Variants in DLGAP1 observed in about 807,000 individuals in gnomAD.
The protein encoded by DLGAP1 is DLG associated protein 1.
A neutral mutation model predicts 90.8 loss-of-function variants in DLGAP1; 11 were observed. The observed-to-expected ratio is 0.12, with a 90% CI of 0.08 to 0.20. The LOEUF (loss-of-function observed/expected upper bound fraction) is 0.20. Ranked by LOEUF, DLGAP1 falls within the 10% of genes least tolerant of loss-of-function variation. The probability of loss-of-function intolerance (pLI) is 1.00; values close to 1 mark genes in which losing one functional copy is unlikely to be tolerated. For missense variants in DLGAP1, 1,050 were observed against 1,333.8 expected, an observed-to-expected ratio of 0.79 and a Z score of 3.31; for synonymous variants, 558 against 540.7, an observed-to-expected ratio of 1.03 and a Z score of -0.44.
At chr18:4,437,170 T>C (rs1004100289) in intron 1 of DLGAP1, among the ~76,000 whole-genome samples, 1 of 152,216 alleles carries the variant, frequency 6.6e-6, no homozygotes, top group Non-Finnish European at 1.5e-5. Flanking sequence ...ATGAAGAATA[T>C]TGGCTGACTG....
At chr18:4,124,605 C>G (rs1321915491) in intron 2 of DLGAP1, among the ~76,000 whole-genome samples, 1 of 152,164 alleles carries the variant, frequency 6.6e-6, no homozygotes, top group East Asian at 1.9e-4. Flanking sequence ...AAATCCTTCA[C>G]CATAAAATAT....
chr18:3,543,329 C>T (rs540320368), intron 9 of DLGAP1, among the ~76,000 whole-genome samples: 2 of 152,224 alleles, frequency 1.3e-5, no homozygotes, highest in South Asian at 2.1e-4. Context: ...CACCACCACG[C>T]CTGGCTATTT....
At chr18:4,064,504 A>AG (rs1389318185) in intron 2 of DLGAP1, among the ~76,000 whole-genome samples, 1 of 152,100 alleles carries the variant, frequency 6.6e-6, no homozygotes, top group Non-Finnish European at 1.5e-5. Flanking sequence ...AGAAATGATA[A>AG]GGGGGACATC....
intron 7 of DLGAP1, among the ~76,000 whole-genome samples, chr18:3,714,570 C>CCTGTTG (rs2061696785): frequency 1.3e-5 from 2 of 151,764 alleles, no homozygotes; most frequent in Admixed American, 1.3e-4. Flanking sequence ...TTGAAAGCCT[C>CCTGTTG]CTGTTGCACA....
intron 7 of DLGAP1, among the ~76,000 whole-genome samples, chr18:3,612,847 C>CT (rs1020503407): frequency 2.6e-4 from 39 of 148,822 alleles, no homozygotes; most frequent in Admixed American, 5.4e-4. Context: ...AGTCCATTTC[C>CT]TTTTTTTTTT....
intron 7 of DLGAP1, among the ~76,000 whole-genome samples, chr18:3,635,346 C>T (rs1318383657): frequency 6.6e-6 from 1 of 151,800 alleles, no homozygotes; most frequent in Non-Finnish European, 1.5e-5. Context: ...CCTTGTTAGC[C>T]AGGATGGTCT....
chr18:3,567,458 A>C, intron 9 of DLGAP1, 32 bp downstream of exon 9: 2 of 1,566,730 alleles, frequency 1.3e-6, no homozygotes, highest in Non-Finnish European at 1.8e-6. Flanking sequence ...CAAAACATCA[A>C]GACAAAAGAG....
intron 9 of DLGAP1, among the ~76,000 whole-genome samples, chr18:3,542,958 G>A (rs2052774913): frequency 6.6e-6 from 1 of 152,140 alleles, no homozygotes; most frequent in African/African-American, 2.4e-5. Context: ...CCAGGACATA[G>A]GTCCTAAACT....
At chr18:4,195,275 CTTT>C (rs770010017) in intron 1 of DLGAP1, among the ~76,000 whole-genome samples, 2 of 149,386 alleles carry the variant, frequency 1.3e-5, no homozygotes. Flanking sequence ...AGACTTTGAA[CTTT>C]TTTTTTTAAC....
At chr18:3,753,962 T>C (rs1250999079) in intron 5 of DLGAP1, among the ~76,000 whole-genome samples, 1 of 152,188 alleles carries the variant, frequency 6.6e-6, no homozygotes, top group Non-Finnish European at 1.5e-5. Flanking sequence ...GTAAATGGCA[T>C]AGTATTTGCA....
At chr18:3,634,731 C>T (rs1005237090) in intron 7 of DLGAP1, among the ~76,000 whole-genome samples, 5 of 152,160 alleles carry the variant, frequency 3.3e-5, no homozygotes, top group Admixed American at 1.3e-4. Context: ...GGAAAGATAC[C>T]ATGTTCTTAC....
intron 6 of DLGAP1, among the ~76,000 whole-genome samples, chr18:3,733,640 G>A (rs1257108579): frequency 6.6e-6 from 1 of 152,160 alleles, no homozygotes; most frequent in Non-Finnish European, 1.5e-5. Flanking sequence ...GTAAGTAGAG[G>A]AGCATCTGTA....
chr18:3,629,998 A>C (rs1400444916), intron 7 of DLGAP1, among the ~76,000 whole-genome samples: 1 of 152,132 alleles, frequency 6.6e-6, no homozygotes, highest in Admixed American at 6.5e-5. Flanking sequence ...ATTCAACTAG[A>C]ATTGCTTAGG....
At chr18:4,089,165 A>G (rs932650885) in intron 2 of DLGAP1, among the ~76,000 whole-genome samples, 3 of 84,046 alleles carry the variant, frequency 3.6e-5, no homozygotes, top group African/African-American at 8.5e-5. Flanking sequence ...ACAATAGACA[A>G]ACAGAGAGCC....
At chr18:3,667,042 T>G (rs927504428) in intron 7 of DLGAP1, among the ~76,000 whole-genome samples, 3 of 152,122 alleles carry the variant, frequency 2.0e-5, no homozygotes, top group African/African-American at 7.2e-5. Context: ...GCTCTGGGAT[T>G]ACAGGCCTGA....
intron 3 of DLGAP1, among the ~76,000 whole-genome samples, chr18:3,881,890 G>A (rs2071181125): frequency 6.6e-6 from 1 of 152,124 alleles, no homozygotes; most frequent in Non-Finnish European, 1.5e-5. Flanking sequence ...TCCAGCCTGG[G>A]CAACAGAGCA....
chr18:4,235,164 G>A (rs1456619858), intron 1 of DLGAP1, among the ~76,000 whole-genome samples: 1 of 152,048 alleles, frequency 6.6e-6, no homozygotes, highest in African/African-American at 2.4e-5. Flanking sequence ...TCTGTCCCTT[G>A]GTGAAGCACT....
At chr18:3,630,621 CT>C (rs745774677) in intron 7 of DLGAP1, among the ~76,000 whole-genome samples, 20 of 152,300 alleles carry the variant, frequency 1.3e-4, no homozygotes, top group Non-Finnish European at 2.8e-4. Context: ...ACAGCACCAT[CT>C]ACTGAATATT....
intron 7 of DLGAP1, among the ~76,000 whole-genome samples, chr18:3,587,753 T>G (rs944276042): frequency 2.6e-5 from 4 of 152,124 alleles, no homozygotes; most frequent in African/African-American, 9.7e-5. Context: ...GCGAGACCAC[T>G]AACCCACCGG....
Sources: gnomAD v4.1 joint callset for allele counts (sites outside exome capture counted in the v4.1 genomes callset) on GRCh38, gnomAD v4.1.1 for gene constraint, MANE v1.5 for transcripts, NCBI Gene and HGNC (gene_info 2026-07-23, HGNC 2026-07-21) for gene names.